SMAD3: variants seen among roughly 807,000 people sequenced by gnomAD.
SMAD3 encodes SMAD family member 3, also known as MAD homolog 3.
SMAD3 carries 12 observed loss-of-function variants against 51.8 expected under a neutral mutation model. That is an observed-to-expected ratio of 0.23 (90% CI 0.15 to 0.38). SMAD3 has a LOEUF of 0.38. Among genes scored for constraint, SMAD3 ranks in the 10% least tolerant of loss-of-function variants. The probability of loss-of-function intolerance (pLI) is 1.00; values close to 1 mark genes in which losing one functional copy is unlikely to be tolerated. For synonymous variants in SMAD3, 238 were observed against 227.7 expected (o/e 1.05, Z -0.41); for missense variants, 294 against 565.6 (o/e 0.52, Z 4.87).
At chr15:67,172,239 A>T (rs553700819) in intron 5 of SMAD3, among the ~76,000 whole-genome samples, 2 of 152,328 alleles carry the variant, frequency 1.3e-5, no homozygotes, top group African/African-American at 4.8e-5. Context: ...GCTTGCCTGA[A>T]AGTTGAGAAT....
intron 1 of SMAD3, among the ~76,000 whole-genome samples, chr15:67,104,317 A>T (rs1236059551): frequency 6.6e-6 from 1 of 152,226 alleles, no homozygotes; most frequent in East Asian, 1.9e-4. Context: ...GTGTCACTGT[A>T]TACATCAAGT....
rs150812443 is a variant in SMAD3, at chr15:67,141,761, C to G, written c.207-23134C>G. On this transcript the variant is annotated intron_variant, in intron 1 of 8. Coordinates refer to ENST00000327367, the MANE Select transcript of SMAD3 (RefSeq NM_005902.4). Reference sequence around the variant, plus strand: ...AAAGTCCGATACCTTGAGTCCACCCCCCATACACCCATTAGACTCCTGAGT... The same window carrying G: ...AAAGTCCGATACCTTGAGTCCACCCGCCATACACCCATTAGACTCCTGAGT... Among the ~76,000 whole-genome samples the G allele has an allele frequency of 4.4e-3, 666 of 152,236 alleles. 4 individuals carry two copies. Among genetic ancestry groups the G allele is most frequent in the Non-Finnish European group, 6.8e-3 (463 of 68,012 alleles).
At chr15:67,110,640 T>A (rs1004695219) in intron 1 of SMAD3, among the ~76,000 whole-genome samples, 1 of 152,214 alleles carries the variant, frequency 6.6e-6, no homozygotes, top group Non-Finnish European at 1.5e-5. Flanking sequence ...CATCCAGCCC[T>A]GTGTGGGCTA....
At chr15:67,085,144 G>A (rs144020586) in intron 1 of SMAD3, among the ~76,000 whole-genome samples, 1 of 152,300 alleles carries the variant, frequency 6.6e-6, no homozygotes, top group East Asian at 1.9e-4. Flanking sequence ...TTTCAGAGGT[G>A]AAGCATTTAG....
At chr15:67,113,096 T>TATATATATATATATA (rs58255931) in intron 1 of SMAD3, among the ~76,000 whole-genome samples, 5,526 of 86,692 alleles carry the variant, frequency 0.064, 831 homozygotes, top group Middle Eastern at 0.11. Flanking sequence ...ATATATATAT[T>TATATATATATATATA]TTTTTGAGAC....
chr15:67,098,080 TG>T (rs1272420849), intron 1 of SMAD3, among the ~76,000 whole-genome samples: 1 of 152,128 alleles, frequency 6.6e-6, no homozygotes, highest in Non-Finnish European at 1.5e-5. Flanking sequence ...CCTTAGAGGA[TG>T]AGACCCAGCT....
intron 1 of SMAD3, among the ~76,000 whole-genome samples, chr15:67,150,177 G>C (rs1257043028): frequency 1.3e-5 from 2 of 152,224 alleles, no homozygotes; most frequent in African/African-American, 4.8e-5. Flanking sequence ...CTCTCCGCGT[G>C]AATGTCACTG....
intron 4 of SMAD3, 79 bp from the exon 5 acceptor site, chr15:67,170,475 T>C: frequency 8.5e-7 from 1 of 1,179,486 alleles, no homozygotes; most frequent in Non-Finnish European, 1.3e-6. Flanking sequence ...TACCCCTCCT[T>C]GATATGTAAG....
intron 1 of SMAD3, chr15:67,125,736 TGGA>T (rs1961368279): frequency 1.0e-6 from 1 of 985,524 alleles, no homozygotes; most frequent in African/African-American, 1.7e-5. Flanking sequence ...TTGTGCTTGC[TGGA>T]GGAGGATGAC....
At chr15:67,090,483 G>C (rs148231962) in intron 1 of SMAD3, among the ~76,000 whole-genome samples, 2 of 152,086 alleles carry the variant, frequency 1.3e-5, no homozygotes, top group Admixed American at 6.5e-5. Flanking sequence ...GCTCCTGAGC[G>C]GGGCAGTGAC....
rs772481721 is a variant in SMAD3, at chr15:67,190,582, A to G, written c.*46A>G. On this transcript the variant is annotated 3_prime_UTR_variant, in exon 9 of 9. Coordinates refer to ENST00000327367, the MANE Select transcript of SMAD3 (RefSeq NM_005902.4). ...GAGGGCAGGCTTGGGGAAAATGGCC[A>G]TGCAGGAGGTGGAGAAAATTGGAAC... 2 of 1,603,324 alleles carry G rather than the reference A, an allele frequency of 1.2e-6. No individual in the cohort carries two copies. The highest frequency in any genetic ancestry group is 8.5e-7 in the Non-Finnish European group (1 of 1,171,020).
intron 3 of SMAD3, 109 bp downstream of exon 3, chr15:67,165,493 C>A (rs866400368): frequency 6.7e-6 from 9 of 1,338,364 alleles, no homozygotes; most frequent in South Asian, 3.9e-5. Flanking sequence ...CCGCTCACCC[C>A]CTCTTTGCGC....
intron 1 of SMAD3, among the ~76,000 whole-genome samples, chr15:67,148,507 T>C (rs1962039933): frequency 6.6e-6 from 1 of 152,260 alleles, no homozygotes; most frequent in African/African-American, 2.4e-5. Flanking sequence ...CTCTCCCTGG[T>C]ATGGCAAGTG....
At position 67,139,291 on chromosome 15, in the gene SMAD3, G is replaced by A. The variant is rs1185660786; in HGVS notation, c.207-25604G>A. 3.3e-5 allele frequency among the ~76,000 whole-genome samples: 5 copies of A among 152,088 alleles called. 1 individual carries two copies. The highest frequency in any genetic ancestry group is 7.4e-5 in the Non-Finnish European group (5 of 68,018). Reference sequence around the variant, plus strand: ...AACCTCAGATGCCCCGTGATATCTCGTTGCGTCAGGTTTTCCTATAAAATG... The same window carrying A: ...AACCTCAGATGCCCCGTGATATCTCATTGCGTCAGGTTTTCCTATAAAATG... On this transcript the variant is annotated intron_variant, in intron 1 of 8. Coordinates refer to ENST00000327367, the MANE Select transcript of SMAD3 (RefSeq NM_005902.4).
intron 1 of SMAD3, among the ~76,000 whole-genome samples, chr15:67,149,404 C>T (rs1054444505): frequency 3.9e-5 from 6 of 152,066 alleles, no homozygotes; most frequent in African/African-American, 1.4e-4. Context: ...TAGGACCCAG[C>T]GGGAGGACGC....
intron 1 of SMAD3, among the ~76,000 whole-genome samples, chr15:67,105,818 A>G (rs1304835194): frequency 1.3e-5 from 2 of 152,096 alleles, no homozygotes; most frequent in Non-Finnish European, 2.9e-5. Flanking sequence ...GCCAGGGCCC[A>G]TTGTTGACAT....
chr15:67,132,252 C>G (rs868717362), intron 1 of SMAD3, among the ~76,000 whole-genome samples: 39 of 152,154 alleles, frequency 2.6e-4, no homozygotes, highest in African/African-American at 9.4e-4. Context: ...ACAGCAAGTT[C>G]CCATGCTGCG....
rs200548744 is a variant in SMAD3 at position 67,164,882 on chromosome 15, C to T, written c.207-13C>T. On this transcript the variant is annotated splice_polypyrimidine_tract_variant and intron_variant, in intron 1 of 8. Coordinates refer to ENST00000327367, the MANE Select transcript of SMAD3 (RefSeq NM_005902.4). ...ACATTTCCCTCTCTTTCTGCCCCTC[C>T]CCGTCCTGGCAGGTCCCTGGATGGC... is the stretch of plus-strand genomic sequence containing the variant. 316 of 1,612,488 alleles carry T rather than the reference C, an allele frequency of 2.0e-4. 1 individual carries two copies. The highest frequency in any genetic ancestry group is 2.2e-4 in the Non-Finnish European group (265 of 1,179,934).
chr15:67,164,684 G>T (rs1362075360), intron 1 of SMAD3, among the ~76,000 whole-genome samples: 1 of 152,248 alleles, frequency 6.6e-6, no homozygotes, highest in African/African-American at 2.4e-5. Context: ...CGCTCTGCCA[G>T]CTGGGAGTCC....
Sources: allele counts gnomAD v4.1 joint callset (sites outside exome capture counted in the v4.1 genomes callset), GRCh38; gene constraint gnomAD v4.1.1; transcripts MANE v1.5; gene names NCBI Gene and HGNC (gene_info 2026-07-23, HGNC 2026-07-21).